The following KIF6 variants were observed in gnomAD, a reference collection of about 807,000 sequenced individuals.
KIF6 encodes the protein kinesin family member 6.
In KIF6, 106 loss-of-function variants were observed where a neutral mutation model predicts 112.7. The observed-to-expected ratio is 0.94, with a 90% CI of 0.80 to 1.11. KIF6 has a LOEUF of 1.11. Among genes scored for constraint, KIF6 ranks in the 50% least tolerant of loss-of-function variants. KIF6 has a pLI of 0.00. For missense variants in KIF6, 929 were observed against 964.0 expected, an observed-to-expected ratio of 0.96 and a Z score of 0.48; for synonymous variants, 339 against 339.9, an observed-to-expected ratio of 1.00 and a Z score of 0.03.
intron 3 of KIF6, among the ~76,000 whole-genome samples, chr6:39,711,771 TAAAC>T (rs1789570257): frequency 6.6e-6 from 1 of 152,062 alleles, no homozygotes; most frequent in Non-Finnish European, 1.5e-5. Context: ...ATAATTAAAA[TAAAC>T]GTTAATAAAA....
intron 3 of KIF6, among the ~76,000 whole-genome samples, chr6:39,681,329 G>T (rs1787496153): frequency 6.6e-6 from 1 of 151,992 alleles, no homozygotes; most frequent in Admixed American, 6.5e-5. Context: ...ACACCAAATA[G>T]TTCACTATAG....
chr6:39,521,639 G>A (rs1261296243), intron 13 of KIF6, among the ~76,000 whole-genome samples: 1 of 152,070 alleles, frequency 6.6e-6, no homozygotes, highest in Non-Finnish European at 1.5e-5. Context: ...CTCTTCCCAA[G>A]CCTTTCTGGG....
chr6:39,552,170 G>T (rs889531347), intron 10 of KIF6, among the ~76,000 whole-genome samples: 1 of 152,156 alleles, frequency 6.6e-6, no homozygotes. Flanking sequence ...AGATGTAACT[G>T]GAAATGTTCT....
At chr6:39,416,210 G>A (rs1333590369) in intron 15 of KIF6, among the ~76,000 whole-genome samples, 1 of 152,236 alleles carries the variant, frequency 6.6e-6, no homozygotes, top group Non-Finnish European at 1.5e-5. Context: ...AGACAATGCT[G>A]CCAGTGGTAA....
chr6:39,651,939 A>G (rs1785494050), intron 3 of KIF6, among the ~76,000 whole-genome samples: 1 of 152,160 alleles, frequency 6.6e-6, no homozygotes, highest in Non-Finnish European at 1.5e-5. Flanking sequence ...AAGACTGTTC[A>G]GCTAAGTAAT....
At chr6:39,496,006 A>ATCTT (rs1775760642) in intron 13 of KIF6, among the ~76,000 whole-genome samples, 1 of 152,218 alleles carries the variant, frequency 6.6e-6, no homozygotes, top group African/African-American at 2.4e-5. Context: ...TGTGGTCTGG[A>ATCTT]GAAACTTGAG....
intron 9 of KIF6, among the ~76,000 whole-genome samples, chr6:39,581,410 C>T (rs1227212207): frequency 6.6e-6 from 1 of 151,936 alleles, no homozygotes; most frequent in East Asian, 1.9e-4. Context: ...ACCCACTCGG[C>T]CTCCCAAAGT....
At position 39,443,871 on chromosome 6, in the gene KIF6, T is replaced by C. The variant is rs539897200; in HGVS notation, c.1646-12710A>G. Among the ~76,000 whole-genome samples the C allele has an allele frequency of 2.6e-5, 4 of 152,308 alleles. No individual in the cohort carries two copies. In the South Asian group the frequency reaches 8.3e-4, roughly 32 times the overall value. On this transcript the variant is annotated intron_variant, in intron 13 of 22. Transcript: ENST00000287152. Reference sequence around the variant, plus strand: ...TTTCCTTAGCTTGTAAGTAAGTAGATGCAAAATGGAGTTTAGATATGCTTA... The same window carrying C: ...TTTCCTTAGCTTGTAAGTAAGTAGACGCAAAATGGAGTTTAGATATGCTTA...
intron 13 of KIF6, among the ~76,000 whole-genome samples, chr6:39,485,235 C>G (rs1775045182): frequency 6.6e-6 from 1 of 152,158 alleles, no homozygotes; most frequent in Admixed American, 6.5e-5. Context: ...ATTTCATAGA[C>G]AGGATGTCTC....
chr6:39,696,301 T>C (rs977843729), intron 3 of KIF6, among the ~76,000 whole-genome samples: 1 of 152,190 alleles, frequency 6.6e-6, no homozygotes, highest in Non-Finnish European at 1.5e-5. Flanking sequence ...AATTTAAAAA[T>C]AATAGTACTA....
At chr6:39,528,581 T>A (rs1393225576) in intron 13 of KIF6, among the ~76,000 whole-genome samples, 1 of 152,204 alleles carries the variant, frequency 6.6e-6, no homozygotes, top group African/African-American at 2.4e-5. Context: ...TTAATTTACA[T>A]TCCCACCAAC....
intron 15 of KIF6, among the ~76,000 whole-genome samples, chr6:39,400,177 G>A (rs774367012): frequency 4.6e-5 from 7 of 152,326 alleles, no homozygotes; most frequent in Non-Finnish European, 8.8e-5. Flanking sequence ...TCACAGGCTG[G>A]TGAGTCCTGG....
intron 10 of KIF6, among the ~76,000 whole-genome samples, chr6:39,574,634 C>CTA (rs1463358862): frequency 6.6e-6 from 1 of 152,014 alleles, no homozygotes; most frequent in Non-Finnish European, 1.5e-5. Context: ...TACAATATGA[C>CTA]TATATGGCTT....
chr6:39,491,428 T>C (rs1775477306), intron 13 of KIF6, among the ~76,000 whole-genome samples: 1 of 152,126 alleles, frequency 6.6e-6, no homozygotes, highest in Non-Finnish European at 1.5e-5. Context: ...CAGAGCTAGC[T>C]AGCTAATCCC....
intron 3 of KIF6, among the ~76,000 whole-genome samples, chr6:39,711,522 C>A (rs1372177338): frequency 6.6e-6 from 1 of 152,032 alleles, no homozygotes; most frequent in African/African-American, 2.4e-5. Flanking sequence ...AGGCATGCAC[C>A]ACCATGCCCA....
chr6:39,361,503 G>A lies in KIF6; in HGVS notation c.1946+931C>T, dbSNP rs182132012. Among the ~76,000 whole-genome samples the A allele has an allele frequency of 5.1e-3, 731 of 143,132 alleles. 8 individuals carry two copies. The highest frequency in any genetic ancestry group is 0.018 in the African/African-American group (673 of 38,420). 93.9% of individuals were successfully genotyped at this position (143,132 alleles called of 152,430 possible). ...GAACCCGGGAGATGGAGTTTGCAGT[G>A]AGCCAAGATCACACCACTGCACTGC... On this transcript the variant is annotated intron_variant, in intron 17 of 22. Coordinates refer to ENST00000287152, the MANE Select transcript of KIF6 (RefSeq NM_145027.6).
intron 10 of KIF6, among the ~76,000 whole-genome samples, chr6:39,572,362 T>C (rs1369825445): frequency 6.6e-6 from 1 of 152,192 alleles, no homozygotes; most frequent in Non-Finnish European, 1.5e-5. Context: ...CTTGGAATTA[T>C]TTTTTGTAAT....
Position 39,385,615 on chromosome 6 carries a change from T to C in KIF6, c.1861+7A>G. 1 of 1,610,626 alleles carries C rather than the reference T, an allele frequency of 6.2e-7. No homozygotes were observed. On this transcript the variant is annotated splice_region_variant and intron_variant, in intron 16 of 22. Transcript: ENST00000287152. Reference sequence around the variant, plus strand: ...ATCCTCTTCCTGCAGATTCTCTTTGTACCTACCTAGGGCTACTTGCTGTAT... The same window carrying C: ...ATCCTCTTCCTGCAGATTCTCTTTGCACCTACCTAGGGCTACTTGCTGTAT...
chr6:39,464,000 C>T (rs1581914175), intron 13 of KIF6, among the ~76,000 whole-genome samples: 1 of 152,102 alleles, frequency 6.6e-6, no homozygotes, highest in Non-Finnish European at 1.5e-5. Flanking sequence ...AGTAGGTGTA[C>T]ATATTTATTA....
Sources: gnomAD v4.1 joint callset for allele counts (sites outside exome capture counted in the v4.1 genomes callset) on GRCh38, gnomAD v4.1.1 for gene constraint, MANE v1.5 for transcripts, NCBI Gene and HGNC (gene_info 2026-07-23, HGNC 2026-07-21) for gene names.